ST18: variants seen among roughly 807,000 people sequenced by gnomAD.
The protein encoded by ST18 is ST18 C2H2C-type zinc finger transcription factor.
A neutral mutation model predicts 110.0 loss-of-function variants in ST18; 50 were observed. The observed-to-expected ratio is 0.45, with a 90% CI of 0.36 to 0.58. ST18 has a LOEUF of 0.58. Ranked by LOEUF, ST18 falls within the 20% of genes least tolerant of loss-of-function variation. ST18 has a pLI of 0.00. For synonymous variants in ST18, 461 were observed against 452.4 expected, an observed-to-expected ratio of 1.02 and a Z score of -0.24; for missense variants, 1,306 against 1,280.1, an observed-to-expected ratio of 1.02 and a Z score of -0.31.
intron 2 of ST18, among the ~76,000 whole-genome samples, chr8:52,276,118 CT>C (rs1270505087): frequency 1.4e-3 from 11 of 7,836 alleles, no homozygotes; most frequent in Non-Finnish European, 2.2e-3. Flanking sequence ...CACACCGCAC[CT>C]ATCACATACC....
chr8:52,278,994 T>G (rs185230655), intron 2 of ST18, among the ~76,000 whole-genome samples: 1 of 152,324 alleles, frequency 6.6e-6, no homozygotes, highest in Non-Finnish European at 1.5e-5. Flanking sequence ...ATATGAATGC[T>G]CAGTCTTTTA....
intron 2 of ST18, among the ~76,000 whole-genome samples, chr8:52,353,376 T>A (rs922162634): frequency 2.0e-5 from 3 of 152,218 alleles, no homozygotes; most frequent in Non-Finnish European, 2.9e-5. Context: ...CAAATAATAT[T>A]TTTAACCACT....
intron 2 of ST18, among the ~76,000 whole-genome samples, chr8:52,373,619 C>T (rs1345546175): frequency 6.6e-6 from 1 of 152,128 alleles, no homozygotes; most frequent in Non-Finnish European, 1.5e-5. Flanking sequence ...CCCAAACCCT[C>T]CTAGGCCACT....
intron 2 of ST18, among the ~76,000 whole-genome samples, chr8:52,347,537 G>A (rs935110146): frequency 6.6e-6 from 1 of 152,038 alleles, no homozygotes; most frequent in Non-Finnish European, 1.5e-5. Flanking sequence ...TGAAGAGAGA[G>A]GAGAGAGGGA....
chr8:52,398,783 G>C (rs1278340047), intron 2 of ST18, among the ~76,000 whole-genome samples: 1 of 152,066 alleles, frequency 6.6e-6, no homozygotes, highest in Non-Finnish European at 1.5e-5. Flanking sequence ...ATGCACGCCA[G>C]CAATAAACTT....
chr8:52,166,806 A>G, intron 11 of ST18, 46 bp downstream of exon 11: 1 of 1,469,154 alleles, frequency 6.8e-7, no homozygotes, highest in South Asian at 1.5e-5. Flanking sequence ...CATCTTGATG[A>G]TCTGGCGTGC....
chr8:52,372,641 G>C (rs1222672361), intron 2 of ST18, among the ~76,000 whole-genome samples: 2 of 152,166 alleles, frequency 1.3e-5, no homozygotes, highest in Admixed American at 6.5e-5. Flanking sequence ...AATATGTTTA[G>C]ATACAAATAG....
intron 12 of ST18, among the ~76,000 whole-genome samples, chr8:52,164,854 T>C (rs2062438437): frequency 6.6e-6 from 1 of 152,210 alleles, no homozygotes; most frequent in Non-Finnish European, 1.5e-5. Context: ...CACATTCTAT[T>C]TGTATGATTA....
intron 2 of ST18, among the ~76,000 whole-genome samples, chr8:52,234,728 GGTGTGTGTGTGTGT>G (rs3054614): frequency 0.023 from 3,415 of 145,706 alleles, 60 homozygotes; most frequent in Non-Finnish European, 0.038. Context: ...AAGAAACTAT[GGTGTGTGTGTGTGT>G]GTGTGTGTGT....
intron 8 of ST18, among the ~76,000 whole-genome samples, chr8:52,197,750 A>G: frequency 6.6e-6 from 1 of 152,120 alleles, no homozygotes; most frequent in East Asian, 1.9e-4. Flanking sequence ...AAGGGAAAGA[A>G]GTGTGCACAT....
At chr8:52,221,134 T>C (rs866828773) in intron 4 of ST18, among the ~76,000 whole-genome samples, 2 of 135,602 alleles carry the variant, frequency 1.5e-5, no homozygotes, top group Non-Finnish European at 3.2e-5. Context: ...TATCTATCTA[T>C]CTACCTACCA....
chr8:52,225,673 T>G (rs916563363), intron 3 of ST18, among the ~76,000 whole-genome samples: 1 of 152,214 alleles, frequency 6.6e-6, no homozygotes, highest in African/African-American at 2.4e-5. Context: ...AATGTCCGTG[T>G]TTCTATCCAG....
At chr8:52,330,728 G>A (rs1808875589) in intron 2 of ST18, among the ~76,000 whole-genome samples, 1 of 152,248 alleles carries the variant, frequency 6.6e-6, no homozygotes, top group African/African-American at 2.4e-5. Context: ...TGGGCAGGAA[G>A]TGCACAGCCT....
chr8:52,161,770 T>G (rs908061040), intron 13 of ST18, among the ~76,000 whole-genome samples: 1 of 152,220 alleles, frequency 6.6e-6, no homozygotes, highest in Non-Finnish European at 1.5e-5. Flanking sequence ...CTCTGGGCTC[T>G]ACATCACTAC....
intron 2 of ST18, chr8:52,409,054 G>A (rs1845518427): frequency 6.6e-6 from 1 of 152,238 alleles, no homozygotes. Context: ...TCGCAGAACT[G>A]TCTGCCGAGT....
chr8:52,179,660 TA>T lies in ST18; in HGVS notation c.277+461del, dbSNP rs546033557. The stretch of plus-strand genomic sequence containing the variant: ...AACCATACATGTTGATAAAAAAAAT[TA>T]AAAAAAATTTTTAACTGTAATATAT... On this transcript the variant is annotated intron_variant, in intron 9 of 25. Coordinates refer to ENST00000689386, the MANE Select transcript of ST18 (RefSeq NM_001352837.2). Among the ~76,000 whole-genome samples the T allele has an allele frequency of 6.0e-3, 920 of 152,174 alleles. 16 individuals carry two copies. Among genetic ancestry groups the T allele is most frequent in the African/African-American group, 0.021 (870 of 41,530 alleles).
At chr8:52,248,741 T>C (rs944660250) in intron 2 of ST18, among the ~76,000 whole-genome samples, 14 of 152,160 alleles carry the variant, frequency 9.2e-5, no homozygotes, top group African/African-American at 3.4e-4. Context: ...ACTAATCCTA[T>C]TCAATATTAC....
At chr8:52,211,953 G>T in intron 8 of ST18, 126 bp downstream of exon 8, 1 of 930,716 alleles carries the variant, frequency 1.1e-6, no homozygotes. Context: ...ACAACGTCTG[G>T]ATGGAAAAAG....
intron 8 of ST18, among the ~76,000 whole-genome samples, chr8:52,203,886 C>T (rs2078969544): frequency 6.6e-6 from 1 of 152,152 alleles, no homozygotes; most frequent in African/African-American, 2.4e-5. Context: ...TGCAAGGGAG[C>T]TGTGTGACAG....
Sources: gnomAD v4.1 joint callset for allele counts (sites outside exome capture counted in the v4.1 genomes callset) on GRCh38, gnomAD v4.1.1 for gene constraint, MANE v1.5 for transcripts, NCBI Gene and HGNC (gene_info 2026-07-23, HGNC 2026-07-21) for gene names.